TMPRSS9: variants seen among roughly 807,000 people sequenced by gnomAD.
TMPRSS9 encodes the protein transmembrane serine protease 9, also known as transmembrane protease serine 9.
TMPRSS9 carries 113 observed loss-of-function variants against 111.4 expected under a neutral mutation model. The ratio of observed to expected loss-of-function variants is 1.01; its 90% CI spans 0.87 to 1.19. The LOEUF (loss-of-function observed/expected upper bound fraction) is 1.19. Ranked by LOEUF, TMPRSS9 falls within the 50% of genes most tolerant of loss-of-function variation. TMPRSS9 has a pLI of 0.00. For missense variants in TMPRSS9, 1,803 were observed against 1,513.1 expected, an observed-to-expected ratio of 1.19 and a Z score of -3.18; for synonymous variants, 805 against 659.1, an observed-to-expected ratio of 1.22 and a Z score of -3.39.
chr19:2,386,719 C>T (rs1970484402), upstream of TMPRSS9, among the ~76,000 whole-genome samples: 1 of 152,164 alleles, frequency 6.6e-6, no homozygotes, highest in Non-Finnish European at 1.5e-5. Context: ...GCTGCCAGCA[C>T]AGTGGCTCAC....
intron 7 of TMPRSS9, among the ~76,000 whole-genome samples, chr19:2,407,608 C>CTT (rs71178273): frequency 4.1e-5 from 4 of 98,398 alleles, no homozygotes; most frequent in Non-Finnish European, 8.2e-5. Context: ...CTTTTCTTTT[C>CTT]TTTTTTTTTT....
chr19:2,422,354 C>T (rs1006157243), intron 14 of TMPRSS9, 107 bp downstream of exon 15: 227 of 1,338,702 alleles, frequency 1.7e-4, no homozygotes, highest in Non-Finnish European at 2.1e-4. Flanking sequence ...CCGAGGCGGG[C>T]GGATCAAGAG....
At chr19:2,417,736 T>G (rs945900423) in intron 12 of TMPRSS9, among the ~76,000 whole-genome samples, 27 of 152,156 alleles carry the variant, frequency 1.8e-4, no homozygotes, top group Non-Finnish European at 2.5e-4. Context: ...ATGCTTCCCT[T>G]GACCTCAGAA....
chr19:2,389,990 G>A, intron 1 of TMPRSS9, 63 bp downstream of exon 2: 1 of 1,558,304 alleles, frequency 6.4e-7, no homozygotes, highest in South Asian at 1.2e-5. Context: ...TCACCGGGAA[G>A]TGACTTGATG....
At chr19:2,413,759 C>A in exon 10 of TMPRSS9, 2 of 1,613,872 alleles carry the variant, frequency 1.2e-6, no homozygotes. Context: ...TTCTGGCTGG[C>A]ATCGTGAGCT....
At chr19:2,380,442 A>T (rs908997671) in intron 1 of TMPRSS9, among the ~76,000 whole-genome samples, 4 of 151,946 alleles carry the variant, frequency 2.6e-5, no homozygotes, top group Non-Finnish European at 5.9e-5. Context: ...CTAAAAATAA[A>T]AAAAAAAAAT....
chr19:2,380,918 C>T (rs1002280688), intron 1 of TMPRSS9, among the ~76,000 whole-genome samples: 3 of 152,136 alleles, frequency 2.0e-5, no homozygotes, highest in Non-Finnish European at 4.4e-5. Flanking sequence ...TGGAGGCTTA[C>T]TCAATTCCTA....
At chr19:2,426,092 C>T in exon 18 of TMPRSS9, 1 of 1,599,380 alleles carries the variant, frequency 6.3e-7, no homozygotes, top group African/African-American at 1.3e-5. Context: ...GGAGTGACCA[C>T]CACGTGACTG....
At chr19:2,391,601 C>CGT (rs10636442) in intron 1 of TMPRSS9, among the ~76,000 whole-genome samples, 80,577 of 149,316 alleles carry the variant, frequency 0.54, 22,401 homozygotes, top group Middle Eastern at 0.67. Context: ...TGTGTGCATG[C>CGT]GTGTGTGTGT....
At chr19:2,410,783 G>T (rs1247695337) in intron 9 of TMPRSS9, among the ~76,000 whole-genome samples, 2 of 152,114 alleles carry the variant, frequency 1.3e-5, no homozygotes, top group East Asian at 3.9e-4. Flanking sequence ...CCCCCCAGCT[G>T]CCCTCCAAAC....
rs536815065 is a variant in TMPRSS9, at chr19:2,377,794, C to A, written c.-25-11967C>A. On this transcript the variant is annotated intron_variant, in intron 1 of 17. Transcript: ENST00000649857. ...GTGGTGTGATCATAACTCACTGCAG[C>A]CTCGACCTTCCAGGCTCAAGTGATC... 3.6e-5 allele frequency among the ~76,000 whole-genome samples: 5 copies of A among 138,852 alleles called. No individual in the cohort carries two copies. The South Asian group carries it at 1.2e-3, about 34-fold the overall frequency. The allele number at this position is 138,852 out of a possible 152,430, so 91.1% of individuals were successfully genotyped here.
intron 1 of TMPRSS9, among the ~76,000 whole-genome samples, chr19:2,384,447 G>A (rs1970429972): frequency 6.6e-6 from 1 of 151,858 alleles, no homozygotes; most frequent in Admixed American, 6.6e-5. Flanking sequence ...AGGCCGAGGC[G>A]AGCAGATCAC....
At chr19:2,400,698 GT>G (rs1220063807) in intron 4 of TMPRSS9, among the ~76,000 whole-genome samples, 1 of 152,104 alleles carries the variant, frequency 6.6e-6, no homozygotes, top group Admixed American at 6.6e-5. Flanking sequence ...TTGTTGCCAG[GT>G]GTGGTGGCTC....
chr19:2,416,206 C>T, intron 11 of TMPRSS9: 1 of 435,384 alleles, frequency 2.3e-6, no homozygotes, highest in Non-Finnish European at 4.1e-6. Flanking sequence ...CCACTGCACT[C>T]CATCTGGGGC....
intron 5 of TMPRSS9, among the ~76,000 whole-genome samples, 186 bp from the exon 7 acceptor site, chr19:2,402,896 C>T (rs1348985633): frequency 6.6e-6 from 1 of 152,116 alleles, no homozygotes; most frequent in Admixed American, 6.6e-5. Context: ...CACCACTGCA[C>T]TCCCGTTTGG....
At position 2,410,244 on chromosome 19, in the gene TMPRSS9, C is replaced by T. The variant is rs769515056; in HGVS notation, c.1118-14C>T. On this transcript the variant is annotated splice_polypyrimidine_tract_variant and intron_variant, in intron 8 of 17. Transcript: ENST00000648592. ...CGGCACTCTCACCCTGCTTTTCTCT[C>T]CCCATTCGGCCAGTGGTCAAGCCAG... 22 of 1,613,296 alleles carry T rather than the reference C, an allele frequency of 1.4e-5. No individual in the cohort carries two copies. The East Asian group carries it at 4.5e-4, about 33-fold the overall frequency.
At chr19:2,403,705 A>G (rs931554946) in intron 6 of TMPRSS9, among the ~76,000 whole-genome samples, 1 of 151,868 alleles carries the variant, frequency 6.6e-6, no homozygotes, top group African/African-American at 2.4e-5. Context: ...AAAAAAAAAA[A>G]AAAATTGGCC....
chr19:2,405,611 T>G, intron 7 of TMPRSS9, 66 bp downstream of exon 8: 3 of 1,409,418 alleles, frequency 2.1e-6, no homozygotes, highest in Non-Finnish European at 2.8e-6. Context: ...CCTCGTGCAC[T>G]GGGGACGTCA....
Position 2,398,784 on chromosome 19 carries a change from T to G in TMPRSS9, c.271-11T>G, listed in dbSNP as rs1970762655. The G allele has an allele frequency of 7.0e-7, 1 of 1,431,034 alleles. No individual in the cohort carries two copies. The highest frequency in any genetic ancestry group is 9.3e-7 in the Non-Finnish European group (1 of 1,080,792). 88.6% of individuals were successfully genotyped at this position (1,431,034 alleles called of 1,614,324 possible). A position where few individuals can be genotyped will look rare whatever the true frequency, so the allele number is the denominator to read the frequency against. ...GGGTCTCAACATTTGATATTCTTGT[T>G]TCTATTGCAGTTTGTAAGTAGTTTT... On this transcript the variant is annotated splice_polypyrimidine_tract_variant and intron_variant, in intron 2 of 17. Transcript: ENST00000648592.
Sources: gnomAD v4.1 joint callset for allele counts (sites outside exome capture counted in the v4.1 genomes callset) on GRCh38, gnomAD v4.1.1 for gene constraint, MANE v1.5 for transcripts, NCBI Gene and HGNC (gene_info 2026-07-23, HGNC 2026-07-21) for gene names.